Variants in CNTNAP2 observed in about 807,000 individuals in gnomAD.
The protein encoded by CNTNAP2 is contactin associated protein 2, also known as contactin-associated protein-like 2.
Under a neutral mutation model 155.2 loss-of-function variants are expected in CNTNAP2, and 98 were observed. That is an observed-to-expected ratio of 0.63 (90% CI 0.54 to 0.75). The LOEUF (loss-of-function observed/expected upper bound fraction) is 0.75. Among genes scored for constraint, CNTNAP2 ranks in the 30% least tolerant of loss-of-function variants. The pLI is 0.00. For synonymous variants in CNTNAP2, 651 were observed against 631.2 expected, an observed-to-expected ratio of 1.03 and a Z score of -0.47; for missense variants, 1,727 against 1,688.1, an observed-to-expected ratio of 1.02 and a Z score of -0.40.
At chr7:146,447,698 T>C (rs751047810) in intron 1 of CNTNAP2, among the ~76,000 whole-genome samples, 9 of 151,982 alleles carry the variant, frequency 5.9e-5, no homozygotes, top group Admixed American at 1.3e-4. Context: ...ATATTTCAGA[T>C]TGCAATAATC....
At chr7:146,470,593 C>T (rs193281548) in intron 1 of CNTNAP2, among the ~76,000 whole-genome samples, 4 of 152,108 alleles carry the variant, frequency 2.6e-5, no homozygotes, top group South Asian at 2.1e-4. Flanking sequence ...TTTGTTGAGA[C>T]GGAATCTCGC....
intron 1 of CNTNAP2, among the ~76,000 whole-genome samples, chr7:146,623,366 C>T (rs1165022129): frequency 6.6e-6 from 1 of 152,054 alleles, no homozygotes; most frequent in Non-Finnish European, 1.5e-5. Flanking sequence ...TATATATTCA[C>T]CATTATGGTA....
rs143226012 is a variant in CNTNAP2, at chr7:148,217,451, C to G, written c.3174C>G (p.Thr1058=). The G allele has an allele frequency of 4.3e-4, 689 of 1,614,194 alleles. No individual in the cohort carries two copies. The highest frequency in any genetic ancestry group is 5.4e-4 in the Non-Finnish European group (638 of 1,180,024). The stretch of plus-strand genomic sequence containing the variant: ...AGATCCGCTTCAGCTTCAGCACCAC[C>G]AAGGCGCCCTGCATTCTCCTCTACA... ...QEEIRFSFST[T]KAPCILLYIS... The change falls in exon 19 of 24, where the codon ACC becomes ACG. Residue 1058 remains threonine, a synonymous_variant. Transcript: ENST00000361727.
chr7:148,356,708 C>T (rs1181908692), intron 21 of CNTNAP2, among the ~76,000 whole-genome samples: 2 of 152,034 alleles, frequency 1.3e-5, no homozygotes, highest in African/African-American at 4.8e-5. Flanking sequence ...TAGAAGTATG[C>T]TCATTTATAA....
chr7:146,974,044 C>A (rs891781630), intron 3 of CNTNAP2, among the ~76,000 whole-genome samples: 5 of 152,254 alleles, frequency 3.3e-5, no homozygotes, highest in African/African-American at 1.2e-4. Flanking sequence ...GAGATAGATT[C>A]TCACTTTTAC....
rs557085629 is a variant in CNTNAP2, at chr7:146,647,207, C to T, written c.98-127064C>T. Among the ~76,000 whole-genome samples the T allele has an allele frequency of 2.6e-5, 4 of 152,298 alleles. No individual in the cohort carries two copies. In the East Asian group the frequency reaches 7.8e-4, roughly 30 times the overall value. ...GCTACAGCATCTCAGTCCAAATTGG[C>T]TCCCTCGCTGTTTGACAGCAACCTT... On this transcript the variant is annotated intron_variant, in intron 1 of 23. Transcript: ENST00000361727.
At position 146,606,370 on chromosome 7, in the gene CNTNAP2, T is replaced by A. The variant is rs1019092346; in HGVS notation, c.98-167901T>A. Among the ~76,000 whole-genome samples, 4 of 152,190 alleles carry A rather than the reference T, an allele frequency of 2.6e-5. No homozygotes were observed. In the East Asian group the frequency reaches 7.7e-4, roughly 29 times the overall value. On this transcript the variant is annotated intron_variant, in intron 1 of 23. Coordinates refer to ENST00000361727, the MANE Select transcript of CNTNAP2 (RefSeq NM_014141.6). ...GTAGATTATTTTAGTAGTCGTAGAA[T>A]TTTACTACATTGAAGGAATTGATAT... is the stretch of plus-strand genomic sequence containing the variant.
At chr7:147,859,818 G>A (rs1437917453) in intron 13 of CNTNAP2, among the ~76,000 whole-genome samples, 1 of 152,052 alleles carries the variant, frequency 6.6e-6, no homozygotes, top group Non-Finnish European at 1.5e-5. Flanking sequence ...CCACAGAATT[G>A]GTTATAGTAT....
intron 21 of CNTNAP2, among the ~76,000 whole-genome samples, chr7:148,334,136 G>A (rs2116568115): frequency 6.6e-6 from 1 of 152,338 alleles, no homozygotes; most frequent in South Asian, 2.1e-4. Flanking sequence ...AATGGCAGCA[G>A]CATGACTTAC....
intron 1 of CNTNAP2, among the ~76,000 whole-genome samples, chr7:146,382,830 A>G (rs557702405): frequency 4.6e-5 from 7 of 152,292 alleles, no homozygotes; most frequent in Admixed American, 2.0e-4. Flanking sequence ...AGAAAAATGT[A>G]TTCTATAGCC....
chr7:148,022,623 T>G (rs1802303866), intron 15 of CNTNAP2, among the ~76,000 whole-genome samples: 1 of 152,206 alleles, frequency 6.6e-6, no homozygotes, highest in South Asian at 2.1e-4. Flanking sequence ...CTGGGCTGCA[T>G]TGGCGTGGCC....
At chr7:146,543,083 AAAC>A (rs1358045621) in intron 1 of CNTNAP2, among the ~76,000 whole-genome samples, 6 of 151,922 alleles carry the variant, frequency 3.9e-5, no homozygotes, top group African/African-American at 1.4e-4. Context: ...AAAAATGATA[AAAC>A]TATGTCAGAT....
intron 1 of CNTNAP2, among the ~76,000 whole-genome samples, chr7:146,704,765 T>C (rs1347443500): frequency 1.3e-5 from 2 of 152,092 alleles, no homozygotes; most frequent in Non-Finnish European, 2.9e-5. Flanking sequence ...GTGAAAAAAT[T>C]CTAATTCTAT....
rs1199149066 is a variant in CNTNAP2, at chr7:148,283,255, A to AAAAGAAAG, written c.3475+16174_3475+16181dup. Among the ~76,000 whole-genome samples, 351 of 63,578 alleles carry AAAAGAAAG rather than the reference A, an allele frequency of 5.5e-3. 7 individuals are homozygous for AAAAGAAAG. The highest frequency in any genetic ancestry group is 0.014 in the African/African-American group (227 of 16,502). The allele number at this position is 63,578 out of a possible 152,430, so 41.7% of individuals were successfully genotyped here. A position where few individuals can be genotyped will look rare whatever the true frequency, so the allele number is the denominator to read the frequency against. On this transcript the variant is annotated intron_variant, in intron 21 of 23. Transcript: ENST00000361727. ...ACTCTGTCTCAAAAAAAAAAAAAAA[A>AAAAGAAAG]AAAGAAAGAAAGAAAGAAAGAAAGA...
chr7:146,892,868 T>G (rs1264749133), intron 3 of CNTNAP2, among the ~76,000 whole-genome samples: 2 of 152,214 alleles, frequency 1.3e-5, no homozygotes, highest in African/African-American at 4.8e-5. Context: ...GTTTGCAAAA[T>G]TATTCCAGAT....
chr7:146,983,891 TATAAA>T (rs1349379514), intron 3 of CNTNAP2, among the ~76,000 whole-genome samples: 1 of 152,240 alleles, frequency 6.6e-6, no homozygotes, highest in African/African-American at 2.4e-5. Context: ...TCTGAAATGT[TATAAA>T]TACCCATGGT....
chr7:147,229,050 T>G (rs1205788794), intron 8 of CNTNAP2, among the ~76,000 whole-genome samples: 9 of 138,810 alleles, frequency 6.5e-5, no homozygotes, highest in African/African-American at 1.3e-4. Flanking sequence ...TTTATATATA[T>G]ATATATAGAG....
intron 1 of CNTNAP2, among the ~76,000 whole-genome samples, chr7:146,512,745 G>A (rs978796344): frequency 6.6e-6 from 1 of 151,744 alleles, no homozygotes; most frequent in Non-Finnish European, 1.5e-5. Flanking sequence ...TGTACTGATG[G>A]GAAGAATGTG....
intron 12 of CNTNAP2, among the ~76,000 whole-genome samples, chr7:147,597,695 T>C (rs1261115746): frequency 6.6e-6 from 1 of 152,140 alleles, no homozygotes; most frequent in African/African-American, 2.4e-5. Context: ...TTTTCACATG[T>C]CTAAATCCCC....
Sources: allele counts gnomAD v4.1 joint callset (sites outside exome capture counted in the v4.1 genomes callset), GRCh38; gene constraint gnomAD v4.1.1; transcripts MANE v1.5; gene names NCBI Gene and HGNC (gene_info 2026-07-23, HGNC 2026-07-21).